The following MERTK variants were observed in gnomAD, a reference collection of about 807,000 sequenced individuals.
MERTK encodes MER proto-oncogene, tyrosine kinase.
In MERTK, 69 loss-of-function variants were observed where a neutral mutation model predicts 99.3. The observed-to-expected ratio is 0.70, with a 90% CI of 0.57 to 0.85. MERTK has a LOEUF of 0.85. Among genes scored for constraint, MERTK ranks in the 40% least tolerant of loss-of-function variants. The pLI, the probability that MERTK is intolerant of heterozygous loss-of-function variation, is 0.00. For missense variants in MERTK, 1,125 were observed against 1,249.4 expected, an observed-to-expected ratio of 0.90 and a Z score of 1.50; for synonymous variants, 426 against 467.6, an observed-to-expected ratio of 0.91 and a Z score of 1.15.
At chr2:112,027,661 G>A (rs568608956) in intron 18 of MERTK, among the ~76,000 whole-genome samples, 3 of 152,202 alleles carry the variant, frequency 2.0e-5, no homozygotes, top group South Asian at 4.2e-4. Context: ...GCCATGGCAT[G>A]TTCTGTAATG....
At chr2:111,976,010 C>CGA (rs1676239833) in intron 7 of MERTK, among the ~76,000 whole-genome samples, 2 of 148,782 alleles carry the variant, frequency 1.3e-5, no homozygotes, top group African/African-American at 4.9e-5. Flanking sequence ...GAACTTCTGA[C>CGA]TAAGTGTTTC....
intron 1 of MERTK, 44 bp from the exon 2 acceptor site, chr2:111,929,074 ACT>A: frequency 6.2e-7 from 1 of 1,611,010 alleles, no homozygotes; most frequent in Non-Finnish European, 8.5e-7. Context: ...TACTTGGGAA[ACT>A]CTTCTTATTT....
chr2:111,959,775 G>A (rs1486901937), intron 4 of MERTK, among the ~76,000 whole-genome samples: 6 of 152,248 alleles, frequency 3.9e-5, no homozygotes, highest in Admixed American at 1.3e-4. Flanking sequence ...GATTACAGGA[G>A]TGAGCCCACT....
chr2:111,998,613 G>C (rs1435803061), intron 10 of MERTK, among the ~76,000 whole-genome samples: 1 of 152,200 alleles, frequency 6.6e-6, no homozygotes, highest in African/African-American at 2.4e-5. Context: ...GAAAGTCAGG[G>C]AAGGCCTTTG....
chr2:111,911,908 C>CT (rs1684256773), intron 1 of MERTK, among the ~76,000 whole-genome samples: 1 of 151,832 alleles, frequency 6.6e-6, no homozygotes, highest in Non-Finnish European at 1.5e-5. Context: ...AGGCTGGTCT[C>CT]TAACTCCTGG....
chr2:111,939,444 A>C (rs755517819), intron 2 of MERTK, among the ~76,000 whole-genome samples: 4 of 151,990 alleles, frequency 2.6e-5, no homozygotes, highest in Non-Finnish European at 4.4e-5. Context: ...TTTGAAGGGA[A>C]TATTCAAGCC....
chr2:111,929,501 A>AT lies in MERTK; in HGVS notation c.444dup (p.Pro149SerfsTer3). 1 of 1,613,986 alleles carries AT rather than the reference A, an allele frequency of 6.2e-7. No homozygotes were observed. The highest frequency in any genetic ancestry group is 1.1e-5 in the South Asian group (1 of 91,038). On this transcript the variant is annotated frameshift_variant, in exon 2 of 19. Transcript: ENST00000295408. LOFTEE classifies it high-confidence loss of function. ...GCACATCATGCAATTACACAGTTTT[A>AT]TCCAGATGATGAAGTTACAGCAATA...
At chr2:111,975,609 T>C (rs1676231240) in intron 7 of MERTK, 137 bp downstream of exon 7, 1 of 921,222 alleles carries the variant, frequency 1.1e-6, no homozygotes, top group Admixed American at 2.0e-5. Context: ...TTGAGGCGAC[T>C]GATGAAAATG....
intron 1 of MERTK, among the ~76,000 whole-genome samples, chr2:111,925,292 A>ATATATATAT (rs372747015): frequency 2.5e-4 from 6 of 24,486 alleles, no homozygotes; most frequent in African/African-American, 8.6e-4. Flanking sequence ...ATATATATAT[A>ATATATATAT]TTTTTTTTTT....
chr2:112,021,681 A>T (rs1677353844), intron 17 of MERTK, 100 bp downstream of exon 17: 9 of 1,145,694 alleles, frequency 7.9e-6, no homozygotes, highest in Non-Finnish European at 1.2e-5. Context: ...TTACTCTTTG[A>T]TAAACTGAGG....
At position 112,006,987 on chromosome 2, in the gene MERTK, C is replaced by T. The variant is rs550608452; in HGVS notation, c.1868-1396C>T. Among the ~76,000 whole-genome samples, 5 of 151,130 alleles carry T rather than the reference C, an allele frequency of 3.3e-5. 1 individual carries two copies. Among genetic ancestry groups the T allele is most frequent in the Admixed American group, 1.3e-4 (2 of 15,086 alleles). On this transcript the variant is annotated intron_variant, in intron 13 of 18. Transcript: ENST00000295408. ...TTAATCAGTAGTTTTACCCTGTTAA[C>T]GCAAATTCCCTAAGGCAAGCCAGAC...
At position 112,010,066 on chromosome 2, in the gene MERTK, G is replaced by A. The variant is rs1311932789; in HGVS notation, c.2079G>A (p.Lys693=). Residue 693 remains lysine, a splice_region_variant and synonymous_variant, in exon 15 of 19, where the codon AAG becomes AAA. Transcript: ENST00000295408. ...ATTCCCGATTGGAGACAGGACCAAA[G>A]GTAATGATCTCCTTGTGTTACCCCT... The part of the protein sequence containing the change: ...LLYSRLETGP[K]HIPLQTLLKF... The A allele has an allele frequency of 6.3e-7, 1 of 1,591,664 alleles. No individual in the cohort carries two copies. Among genetic ancestry groups the A allele is most frequent in the Non-Finnish European group, 8.6e-7 (1 of 1,159,844 alleles).
chr2:111,985,456 T>C (rs11675946), intron 8 of MERTK, among the ~76,000 whole-genome samples: 38,297 of 152,182 alleles, frequency 0.25, 5,325 homozygotes, highest in Middle Eastern at 0.43. Flanking sequence ...ACTGTGATCA[T>C]GGAAAGCATG....
chr2:112,011,097 T>G lies in MERTK; in HGVS notation c.2079+1031T>G, dbSNP rs184916886. 4.4e-3 allele frequency among the ~76,000 whole-genome samples: 673 copies of G among 152,294 alleles called. 5 individuals carry two copies. The highest frequency in any genetic ancestry group is 0.016 in the South Asian group (77 of 4,826). ...TCGGACACACCCCACCTTTGTCCCT[T>G]TAGCTGCCATCAGTATGAGGACCGC... On this transcript the variant is annotated intron_variant, in intron 15 of 18. Coordinates refer to ENST00000295408, the MANE Select transcript of MERTK (RefSeq NM_006343.3).
At chr2:111,943,008 T>C (rs924509013) in intron 2 of MERTK, among the ~76,000 whole-genome samples, 9 of 152,236 alleles carry the variant, frequency 5.9e-5, no homozygotes, top group Non-Finnish European at 1.0e-4. Context: ...AAACTCTGTC[T>C]CATTCAGACC....
Position 111,994,349 on chromosome 2 carries a change from C to T in MERTK, c.1395C>T (p.Thr465=), listed in dbSNP as rs766948822. ...ATCTVRIAAV[T]RGGVGPFSDP... ...GCACAGTGAGGATTGCAGCCGTCAC[C>T]AGAGGGGGAGTTGGGCCCTTCAGTG... The change falls in exon 9 of 19, where the codon ACC becomes ACT. Residue 465 remains threonine, a synonymous_variant. Coordinates refer to ENST00000295408, the MANE Select transcript of MERTK (RefSeq NM_006343.3). 28 of 1,614,030 alleles carry T rather than the reference C, an allele frequency of 1.7e-5. No individual in the cohort carries two copies. In the African/African-American group the frequency reaches 3.1e-4, roughly 18 times the overall value.
chr2:111,980,003 G>T (rs554993927), intron 7 of MERTK, among the ~76,000 whole-genome samples: 1 of 152,132 alleles, frequency 6.6e-6, no homozygotes, highest in South Asian at 2.1e-4. Context: ...AACTCTGTGG[G>T]TATGGGCAGA....
chr2:112,028,149 A>C (rs1325920371), intron 18 of MERTK: 1 of 626,444 alleles, frequency 1.6e-6, no homozygotes, highest in East Asian at 2.8e-5. Context: ...CTAGAAACAG[A>C]ATCACTTTTT....
intron 15 of MERTK, among the ~76,000 whole-genome samples, chr2:112,013,802 GT>G (rs1677156768): frequency 6.6e-6 from 1 of 151,094 alleles, no homozygotes; most frequent in African/African-American, 2.4e-5. Context: ...TTTGTTTCAT[GT>G]TGATGGGTGA....
Sources: gnomAD v4.1 joint callset for allele counts (sites outside exome capture counted in the v4.1 genomes callset) on GRCh38, gnomAD v4.1.1 for gene constraint, MANE v1.5 for transcripts, NCBI Gene and HGNC (gene_info 2026-07-23, HGNC 2026-07-21) for gene names.